CACNA2D3: variants seen among roughly 807,000 people sequenced by gnomAD.
CACNA2D3 encodes the protein voltage-dependent calcium channel subunit alpha-2/delta-3.
In CACNA2D3, 60 loss-of-function variants were observed where a neutral mutation model predicts 160.6. The ratio of observed to expected loss-of-function variants is 0.37; its 90% CI spans 0.30 to 0.46. The LOEUF (loss-of-function observed/expected upper bound fraction) is 0.46, where lower values mean the gene tolerates loss of function less well. CACNA2D3 is among the 20% of genes least tolerant of loss of function. The pLI is 1.00. For missense variants in CACNA2D3, 1,205 were observed against 1,365.0 expected, an observed-to-expected ratio of 0.88 and a Z score of 1.85; for synonymous variants, 558 against 492.9, an observed-to-expected ratio of 1.13 and a Z score of -1.75.
chr3:54,918,457 T>C, intron 27 of CACNA2D3: 1 of 1,600,312 alleles, frequency 6.2e-7, no homozygotes, highest in Non-Finnish European at 8.5e-7. Flanking sequence ...AGACAAAAGC[T>C]CTCAGGCTGG....
Position 54,836,234 on chromosome 3 carries a change from T to C in CACNA2D3, c.1399-925T>C, listed in dbSNP as rs992697637. Among the ~76,000 whole-genome samples the C allele has an allele frequency of 1.0e-4, 15 of 146,894 alleles. 2 individuals carry two copies. Among genetic ancestry groups the C allele is most frequent in the Middle Eastern group, 3.4e-3 (1 of 290 alleles). On this transcript the variant is annotated intron_variant, in intron 14 of 37. Coordinates refer to ENST00000474759, the MANE Select transcript of CACNA2D3 (RefSeq NM_018398.3). ...CCATTCTTTTTTTTTTTCTTTTTTT[T>C]TTTTTTTGTTTTTGTTTTGGGAGAG...
intron 10 of CACNA2D3, among the ~76,000 whole-genome samples, chr3:54,635,156 T>C (rs967589056): frequency 6.6e-6 from 1 of 151,930 alleles, no homozygotes; most frequent in African/African-American, 2.4e-5. Context: ...AAACATTTGT[T>C]GTATAGAATG....
intron 4 of CACNA2D3, among the ~76,000 whole-genome samples, chr3:54,466,025 A>G (rs1048098712): frequency 6.6e-6 from 1 of 152,150 alleles, no homozygotes; most frequent in Admixed American, 6.5e-5. Context: ...TCCACCTTCA[A>G]AACCACCAAC....
At chr3:54,347,214 TCA>T (rs1252348081) in intron 3 of CACNA2D3, among the ~76,000 whole-genome samples, 1 of 152,134 alleles carries the variant, frequency 6.6e-6, no homozygotes, top group African/African-American at 2.4e-5. Context: ...CCTTCACCCC[TCA>T]CACATAGGAA....
chr3:54,405,104 C>G (rs80223788), intron 4 of CACNA2D3, among the ~76,000 whole-genome samples: 941 of 68,198 alleles, frequency 0.014, 7 homozygotes, highest in African/African-American at 0.059. Flanking sequence ...AATGTCTATA[C>G]TATACTATAC....
intron 4 of CACNA2D3, among the ~76,000 whole-genome samples, chr3:54,489,983 G>GA (rs1701081989): frequency 6.6e-6 from 1 of 152,196 alleles, no homozygotes; most frequent in South Asian, 2.1e-4. Flanking sequence ...AACCTTTGGA[G>GA]AGGGGCATGG....
intron 8 of CACNA2D3, among the ~76,000 whole-genome samples, chr3:54,577,661 T>C (rs1285951041): frequency 6.6e-6 from 1 of 152,228 alleles, no homozygotes; most frequent in East Asian, 1.9e-4. Context: ...CATTTGTGCC[T>C]GTGCACCTAG....
chr3:54,221,732 C>A (rs1179991537), intron 2 of CACNA2D3, among the ~76,000 whole-genome samples: 2 of 152,032 alleles, frequency 1.3e-5, no homozygotes. Context: ...ACTTTTAAGT[C>A]ATTTCTAGAT....
At chr3:54,705,916 A>C (rs931153536) in intron 11 of CACNA2D3, among the ~76,000 whole-genome samples, 1 of 152,166 alleles carries the variant, frequency 6.6e-6, no homozygotes, top group African/African-American at 2.4e-5. Context: ...TAAAGTGATG[A>C]TGGAGATGCT....
At chr3:54,235,356 C>G (rs369879061) in intron 2 of CACNA2D3, among the ~76,000 whole-genome samples, 3 of 152,154 alleles carry the variant, frequency 2.0e-5, no homozygotes, top group Non-Finnish European at 2.9e-5. Context: ...GAAGCTGCAT[C>G]TGCTCGGCTT....
chr3:54,893,481 C>T (rs969549486), intron 25 of CACNA2D3, among the ~76,000 whole-genome samples: 37 of 152,166 alleles, frequency 2.4e-4, no homozygotes, highest in Non-Finnish European at 4.0e-4. Context: ...TAGGGTCTTA[C>T]CTGCCTATCC....
At chr3:55,058,675 T>C (rs78539777) in intron 35 of CACNA2D3, among the ~76,000 whole-genome samples, 1 of 152,138 alleles carries the variant, frequency 6.6e-6, no homozygotes, top group Non-Finnish European at 1.5e-5. Flanking sequence ...TTGGTGCTTA[T>C]TAAAATGTGA....
intron 25 of CACNA2D3, among the ~76,000 whole-genome samples, chr3:54,895,215 T>C (rs17054521): frequency 0.026 from 3,979 of 152,214 alleles, 163 homozygotes; most frequent in African/African-American, 0.088. Context: ...TTTGAAGATA[T>C]AGGAAATTGT....
intron 9 of CACNA2D3, among the ~76,000 whole-genome samples, chr3:54,590,403 T>C (rs1702836158): frequency 6.6e-6 from 1 of 152,002 alleles, no homozygotes; most frequent in African/African-American, 2.4e-5. Flanking sequence ...GAGAACAGAT[T>C]AGTGGTTGCC....
intron 2 of CACNA2D3, among the ~76,000 whole-genome samples, chr3:54,186,787 T>C (rs1298283612): frequency 6.6e-6 from 1 of 152,098 alleles, no homozygotes; most frequent in African/African-American, 2.4e-5. Flanking sequence ...TAAATGGGAA[T>C]GAGACCTTAA....
At chr3:54,534,205 G>A (rs1034702595) in intron 5 of CACNA2D3, among the ~76,000 whole-genome samples, 8 of 152,276 alleles carry the variant, frequency 5.3e-5, no homozygotes, top group Middle Eastern at 3.4e-3. Flanking sequence ...GTCTTTTCTC[G>A]ACATCTCAAA....
intron 9 of CACNA2D3, among the ~76,000 whole-genome samples, chr3:54,591,087 A>G (rs1250615102): frequency 6.6e-6 from 1 of 152,168 alleles, no homozygotes; most frequent in Non-Finnish European, 1.5e-5. Flanking sequence ...TTCCATTTTT[A>G]CCATAAATTC....
chr3:54,734,497 G>A (rs998404169), intron 11 of CACNA2D3, among the ~76,000 whole-genome samples: 2 of 152,124 alleles, frequency 1.3e-5, no homozygotes, highest in African/African-American at 2.4e-5. Flanking sequence ...AAGATGAAAA[G>A]GCTTATAAAA....
chr3:54,953,585 T>TG (rs1701811079), intron 27 of CACNA2D3, among the ~76,000 whole-genome samples: 1 of 152,220 alleles, frequency 6.6e-6, no homozygotes, highest in African/African-American at 2.4e-5. Flanking sequence ...AGCCACTTCT[T>TG]GCAATACTTG....
Sources: allele counts gnomAD v4.1 joint callset (sites outside exome capture counted in the v4.1 genomes callset), GRCh38; gene constraint gnomAD v4.1.1; transcripts MANE v1.5; gene names NCBI Gene and HGNC (gene_info 2026-07-23, HGNC 2026-07-21).